Variants in CADM2 observed in about 807,000 individuals in gnomAD.
The protein encoded by CADM2 is cell adhesion molecule 2, also known as immunoglobulin superfamily member 4D.
A neutral mutation model predicts 49.8 loss-of-function variants in CADM2; 12 were observed. That is an observed-to-expected ratio of 0.24 (90% confidence interval 0.15 to 0.39). The LOEUF (loss-of-function observed/expected upper bound fraction) is 0.39, where lower values mean the gene tolerates loss of function less well. Among genes scored for constraint, CADM2 ranks in the 10% least tolerant of loss-of-function variants. The probability of loss-of-function intolerance (pLI) is 1.00; values close to 1 mark genes in which losing one functional copy is unlikely to be tolerated. For missense variants in CADM2, 378 were observed against 492.3 expected (o/e 0.77, Z 2.20); for synonymous variants, 214 against 175.4 (o/e 1.22, Z -1.74).
In CADM2 at chr3:85,132,824, G is replaced by A. The variant is rs1019509530; in HGVS notation, c.61+173156G>A. Among the ~76,000 whole-genome samples the A allele has an allele frequency of 5.3e-5, 8 of 152,300 alleles. No individual in the cohort carries two copies. In the South Asian group the frequency reaches 6.2e-4, roughly 12 times the overall value. On this transcript the variant is annotated intron_variant, in intron 1 of 9. Coordinates refer to ENST00000383699, the MANE Select transcript of CADM2 (RefSeq NM_001167675.2). ...TTTTCCATGCAATCCACATGGTATA[G>A]TAGTGTATAATACTGTGTCCGGAAT...
At chr3:85,205,387 A>G (rs956572768) in intron 1 of CADM2, among the ~76,000 whole-genome samples, 2 of 152,140 alleles carry the variant, frequency 1.3e-5, no homozygotes, top group African/African-American at 2.4e-5. Context: ...TATATTTTGA[A>G]GCATGATTTC....
At chr3:85,622,254 T>C (rs1196667395) in intron 1 of CADM2, among the ~76,000 whole-genome samples, 1 of 152,156 alleles carries the variant, frequency 6.6e-6, no homozygotes, top group Non-Finnish European at 1.5e-5. Context: ...AAGACAATAT[T>C]ATTCTGTCTT....
chr3:85,701,089 C>T (rs972684283), intron 1 of CADM2, among the ~76,000 whole-genome samples: 1 of 152,124 alleles, frequency 6.6e-6, no homozygotes, highest in Non-Finnish European at 1.5e-5. Flanking sequence ...TCAATGGAGG[C>T]CTCGGGAAAC....
intron 1 of CADM2, among the ~76,000 whole-genome samples, chr3:85,481,974 G>A (rs2039233032): frequency 6.6e-6 from 1 of 151,732 alleles, no homozygotes; most frequent in Admixed American, 6.6e-5. Flanking sequence ...ATGGGACAGT[G>A]TATGCTGTTC....
chr3:86,026,618 G>T (rs1733936065), intron 8 of CADM2, among the ~76,000 whole-genome samples: 1 of 152,132 alleles, frequency 6.6e-6, no homozygotes, highest in African/African-American at 2.4e-5. Flanking sequence ...CTTGCCAACT[G>T]ACGCCTATTC....
intron 1 of CADM2, among the ~76,000 whole-genome samples, chr3:85,413,138 C>CAAAAAAAAAAA (rs397973777): frequency 5.8e-4 from 10 of 17,110 alleles, no homozygotes; most frequent in African/African-American, 1.3e-3. Context: ...GACTCCGTCT[C>CAAAAAAAAAAA]AAAAAAAAAA....
chr3:85,919,132 G>A (rs1718767393), intron 6 of CADM2, among the ~76,000 whole-genome samples: 1 of 151,934 alleles, frequency 6.6e-6, no homozygotes, highest in African/African-American at 2.4e-5. Flanking sequence ...TGAAAAATGA[G>A]AGTTCAAATT....
intron 1 of CADM2, among the ~76,000 whole-genome samples, chr3:85,665,896 C>A (rs771572485): frequency 6.0e-5 from 9 of 150,406 alleles, no homozygotes; most frequent in Admixed American, 1.3e-4. Flanking sequence ...CTTTTTTTTT[C>A]TTGATCTCTT....
chr3:85,677,573 A>C (rs1328906371), intron 1 of CADM2, among the ~76,000 whole-genome samples: 1 of 152,168 alleles, frequency 6.6e-6, no homozygotes, highest in African/African-American at 2.4e-5. Context: ...ATGTTCAATA[A>C]AGATTACAAT....
chr3:84,996,530 G>T (rs542567124), intron 1 of CADM2, among the ~76,000 whole-genome samples: 2 of 151,844 alleles, frequency 1.3e-5, no homozygotes, highest in Non-Finnish European at 2.9e-5. Flanking sequence ...TTTACTTTTC[G>T]TATGCTTTTA....
intron 3 of CADM2, among the ~76,000 whole-genome samples, chr3:85,809,215 G>A (rs56201321): frequency 0.051 from 7,782 of 152,168 alleles, 565 homozygotes; most frequent in African/African-American, 0.16. Flanking sequence ...CTATACAGTA[G>A]GCATTCCTAT....
At chr3:86,023,688 A>G (rs1243821214) in intron 8 of CADM2, among the ~76,000 whole-genome samples, 1 of 152,076 alleles carries the variant, frequency 6.6e-6, no homozygotes. Context: ...GGAGAAGGAT[A>G]CGTCTTTGCC....
chr3:85,222,068 T>C lies in CADM2; in HGVS notation c.61+262400T>C, dbSNP rs115760657. ...TAATAGTCCATGAGATAAAAAGATA[T>C]ACACCATGCCATGTTTTTTGTCGTC... On this transcript the variant is annotated intron_variant, in intron 1 of 9. Transcript: ENST00000383699. 1.6e-3 allele frequency among the ~76,000 whole-genome samples: 241 copies of C among 152,308 alleles called. 1 individual carries two copies. Among genetic ancestry groups the C allele is most frequent in the African/African-American group, 5.4e-3 (224 of 41,574 alleles).
At chr3:85,290,805 G>A (rs1407326862) in intron 1 of CADM2, among the ~76,000 whole-genome samples, 1 of 152,138 alleles carries the variant, frequency 6.6e-6, no homozygotes, top group Non-Finnish European at 1.5e-5. Context: ...CATCATCAAA[G>A]ACCAAAAGTA....
At chr3:85,658,600 A>G (rs930907188) in intron 1 of CADM2, among the ~76,000 whole-genome samples, 13 of 139,994 alleles carry the variant, frequency 9.3e-5, no homozygotes, top group African/African-American at 3.4e-4. Context: ...ATATATATAT[A>G]TATATATATA....
intron 1 of CADM2, among the ~76,000 whole-genome samples, chr3:85,563,075 C>T (rs868864984): frequency 5.4e-4 from 82 of 152,082 alleles, no homozygotes; most frequent in Middle Eastern, 3.4e-3. Flanking sequence ...AAATAAAATT[C>T]CCTTAATTAG....
At chr3:85,736,579 T>C (rs1197445219) in intron 2 of CADM2, among the ~76,000 whole-genome samples, 7 of 152,130 alleles carry the variant, frequency 4.6e-5, no homozygotes, top group Non-Finnish European at 1.0e-4. Flanking sequence ...TTAGAGGGGA[T>C]AGATAGGCAG....
Position 85,977,429 on chromosome 3 carries a change from T to C in CADM2, c.970+15782T>C, listed in dbSNP as rs796903150. Among the ~76,000 whole-genome samples the C allele has an allele frequency of 9.9e-5, 15 of 151,588 alleles. 1 individual carries two copies. Among genetic ancestry groups the C allele is most frequent in the African/African-American group, 3.4e-4 (14 of 41,454 alleles). On this transcript the variant is annotated intron_variant, in intron 8 of 9. Coordinates refer to ENST00000383699, the MANE Select transcript of CADM2 (RefSeq NM_001167675.2). ...ATAAATTTGATATACTTGGAAGATA[T>C]TGGTCTTTGCAGTTATTAAATGTAT...
intron 5 of CADM2, among the ~76,000 whole-genome samples, chr3:85,891,629 AT>A (rs1432485047): frequency 6.6e-6 from 1 of 152,110 alleles, no homozygotes; most frequent in African/African-American, 2.4e-5. Flanking sequence ...GAGAGACATT[AT>A]TTTCCTGGCC....
Sources: gnomAD v4.1 joint callset for allele counts (sites outside exome capture counted in the v4.1 genomes callset) on GRCh38, gnomAD v4.1.1 for gene constraint, MANE v1.5 for transcripts, NCBI Gene and HGNC (gene_info 2026-07-23, HGNC 2026-07-21) for gene names.